RBPJ: variants seen among roughly 807,000 people sequenced by gnomAD.
The protein encoded by RBPJ is recombining binding protein suppressor of hairless.
Under a neutral mutation model 67.8 loss-of-function variants are expected in RBPJ, and 9 were observed. That is an observed-to-expected ratio of 0.13 (90% CI 0.08 to 0.23). The LOEUF is 0.23. Among genes scored for constraint, RBPJ ranks in the 10% least tolerant of loss-of-function variants. RBPJ has a pLI of 1.00. For synonymous variants in RBPJ, 198 were observed against 203.3 expected, an observed-to-expected ratio of 0.97 and a Z score of 0.22; for missense variants, 305 against 595.6, an observed-to-expected ratio of 0.51 and a Z score of 5.08.
In RBPJ at chr4:26,424,511, A is replaced by G; in HGVS notation, c.634+32A>G. The G allele has an allele frequency of 6.2e-7, 1 of 1,606,284 alleles. No individual in the cohort carries two copies. The highest frequency in any genetic ancestry group is 1.1e-5 in the South Asian group (1 of 89,864). The stretch of plus-strand genomic sequence containing the variant: ...ATAAAAGTGTGCATTTAATGTTTTT[A>G]GTGTGAAATTGTTAAAATCTTTTGA... On this transcript the variant is annotated intron_variant, in intron 6 of 10. Transcript: ENST00000355476. This position sits in a 1 kb window ranked among gnomAD's most constrained non-coding sequence, Gnocchi z 5.3.
At chr4:26,302,232 T>G (rs915217595) in intron 1 of RBPJ, among the ~76,000 whole-genome samples, 1 of 152,224 alleles carries the variant, frequency 6.6e-6, no homozygotes, top group Non-Finnish European at 1.5e-5. Flanking sequence ...ACCTCAATCA[T>G]GGGTCCCAGC....
At chr4:26,320,997 A>G (rs1199956277), upstream of RBPJ, 1 of 1,613,254 alleles carries the variant, frequency 6.2e-7, no homozygotes, top group South Asian at 1.1e-5. Context: ...GAATCTCGCG[A>G]GGGTTGGAGT....
chr4:26,205,715 C>T (rs1286123142), intron 1 of RBPJ, among the ~76,000 whole-genome samples: 4 of 152,118 alleles, frequency 2.6e-5, no homozygotes, highest in African/African-American at 4.8e-5. Context: ...GCCTCAGCCT[C>T]CTGAGTAGCT....
intron 1 of RBPJ, among the ~76,000 whole-genome samples, chr4:26,210,978 A>G (rs1718402685): frequency 6.6e-6 from 1 of 151,878 alleles, no homozygotes; most frequent in Non-Finnish European, 1.5e-5. Context: ...AGCTTCTTGT[A>G]AGCAGAAGCA....
intron 1 of RBPJ, among the ~76,000 whole-genome samples, chr4:26,279,738 C>T (rs1393527147): frequency 6.6e-6 from 1 of 150,830 alleles, no homozygotes; most frequent in Non-Finnish European, 1.5e-5. Context: ...CTTCTCATTT[C>T]AGGCAGAGGG....
At chr4:26,406,312 C>A in intron 3 of RBPJ, 42 bp downstream of exon 3, 2 of 1,279,344 alleles carry the variant, frequency 1.6e-6, no homozygotes, top group Non-Finnish European at 1.1e-6. Context: ...GTAGTTACCA[C>A]ATGAATTTGC....
At chr4:26,195,545 A>G (rs1428894487) in intron 1 of RBPJ, among the ~76,000 whole-genome samples, 1 of 152,058 alleles carries the variant, frequency 6.6e-6, no homozygotes, top group Non-Finnish European at 1.5e-5. Flanking sequence ...CAAAATAACT[A>G]AGGTCTATAT....
In RBPJ at chr4:26,334,243, G is replaced by A. The variant is rs557420875; in HGVS notation, c.20+13195G>A. 1.1e-4 allele frequency among the ~76,000 whole-genome samples: 17 copies of A among 151,968 alleles called. 1 individual carries two copies. In the South Asian group the frequency reaches 2.9e-3, roughly 26 times the overall value. On this transcript the variant is annotated intron_variant, in intron 1 of 10. Coordinates refer to ENST00000355476, the MANE Select transcript of RBPJ (RefSeq NM_015874.6). Reference sequence around the variant, plus strand: ...TTTAGTAGAGGTGGAGTTTCACCACGTTGGCCAGGTTGGTTTCGAACTCCT... The same window carrying A: ...TTTAGTAGAGGTGGAGTTTCACCACATTGGCCAGGTTGGTTTCGAACTCCT...
rs1349617821 is a variant in RBPJ at position 26,310,726 on chromosome 4, A to C, written c.-166-51720A>C. ...GCTCTGTCACCCAGGCTGGAGCGCA[A>C]TGGCACGATCTTGGCTCACTGCAAC... On this transcript the variant is annotated intron_variant, in intron 1 of 4. Coordinates refer to the RBPJ transcript ENST00000512351. Among the ~76,000 whole-genome samples the C allele has an allele frequency of 3.4e-5, 5 of 147,142 alleles. No individual in the cohort carries two copies. In the East Asian group the frequency reaches 1.0e-3, roughly 29 times the overall value.
the RBPJ span, among the ~76,000 whole-genome samples, chr4:26,109,460 C>CTATATATA: frequency 0.017 from 244 of 14,564 alleles, 3 homozygotes; most frequent in Middle Eastern, 0.062. Flanking sequence ...CTCTCTCTCT[C>CTATATATA]TATATATATA....
At chr4:26,272,641 T>C (rs1720951807) in intron 1 of RBPJ, 1 of 448,478 alleles carries the variant, frequency 2.2e-6, no homozygotes, top group Admixed American at 2.4e-5. Flanking sequence ...CAGATGAACT[T>C]GCATTTTGTC....
chr4:26,146,652 G>A, the RBPJ span, among the ~76,000 whole-genome samples: 4 of 152,146 alleles, frequency 2.6e-5, no homozygotes, highest in South Asian at 2.1e-4. Flanking sequence ...CTCTCATGGG[G>A]TTTATCTTCT....
intron 1 of RBPJ, among the ~76,000 whole-genome samples, chr4:26,344,309 A>G (rs2109412371): frequency 6.6e-6 from 1 of 152,238 alleles, no homozygotes; most frequent in Non-Finnish European, 1.5e-5. Flanking sequence ...ATTTCGGCTC[A>G]CTGCAAGCTC....
At chr4:26,399,743 TG>T (rs749343337) in intron 2 of RBPJ, among the ~76,000 whole-genome samples, 5 of 152,300 alleles carry the variant, frequency 3.3e-5, no homozygotes, top group Non-Finnish European at 5.9e-5. Flanking sequence ...TGGAGTGCAA[TG>T]GTGCGATCTT....
At chr4:26,423,405 A>ATGAC (rs996156038) in intron 5 of RBPJ, among the ~76,000 whole-genome samples, 9 of 152,256 alleles carry the variant, frequency 5.9e-5, no homozygotes, top group African/African-American at 2.2e-4. Context: ...AAACAGACTG[A>ATGAC]TGACGGGGCT....
chr4:26,362,413 C>A, intron 1 of RBPJ: 1 of 1,352,678 alleles, frequency 7.4e-7, no homozygotes, highest in Non-Finnish European at 9.7e-7. Flanking sequence ...CATACCAACA[C>A]TTAAGGCCTT....
chr4:26,420,978 G>T lies in RBPJ; in HGVS notation c.496+253G>T, dbSNP rs957021851. ...AAATGGGAGATTTTCTCCTTCTGTT[G>T]TTACAGTGACTGGAGGGGGTGATGT... is the stretch of plus-strand genomic sequence containing the variant. On this transcript the variant is annotated intron_variant, in intron 5 of 10. Coordinates refer to ENST00000355476, the MANE Select transcript of RBPJ (RefSeq NM_015874.6). The T allele has an allele frequency of 1.2e-5, 5 of 411,344 alleles. No homozygotes were observed. In the South Asian group the frequency reaches 1.6e-4, roughly 14 times the overall value. The allele number at this position is 411,344 out of a possible 1,614,324, so 25.5% of individuals were successfully genotyped here.
At chr4:26,319,719 A>G (rs1722822444), upstream of RBPJ, 1 of 738,848 alleles carries the variant, frequency 1.4e-6, no homozygotes, top group Non-Finnish European at 2.5e-6. Flanking sequence ...CATTGGGTAC[A>G]TGCGCAGTGC....
At chr4:26,357,589 T>C (rs1727532206) in intron 1 of RBPJ, among the ~76,000 whole-genome samples, 1 of 152,212 alleles carries the variant, frequency 6.6e-6, no homozygotes, top group Non-Finnish European at 1.5e-5. Flanking sequence ...ATAAATAAAA[T>C]TTACCATTTA....
Sources: gnomAD v4.1 joint callset for allele counts (sites outside exome capture counted in the v4.1 genomes callset) on GRCh38, gnomAD v4.1.1 for gene constraint, Gnocchi (gnomAD v3.1) non-coding constraint, MANE v1.5 for transcripts, NCBI Gene and HGNC (gene_info 2026-07-23, HGNC 2026-07-21) for gene names.